Variants in PM20D2 observed in about 807,000 individuals in gnomAD.
PM20D2 encodes xaa-Arg dipeptidase.
Under a neutral mutation model 42.9 loss-of-function variants are expected in PM20D2, and 33 were observed. The observed-to-expected ratio is 0.77, with a 90% CI of 0.58 to 1.03. PM20D2 has a LOEUF of 1.03. Among genes scored for constraint, PM20D2 ranks in the 50% least tolerant of loss-of-function variants. The pLI, the probability that PM20D2 is intolerant of heterozygous loss-of-function variation, is 0.00. For synonymous variants in PM20D2, 250 were observed against 228.2 expected (o/e 1.10, Z -0.86); for missense variants, 548 against 557.0 (o/e 0.98, Z 0.16).
chr6:89,163,213 G>A lies in PM20D2; in HGVS notation c.*950G>A, dbSNP rs545792085. 25 of 152,272 alleles carry A rather than the reference G, an allele frequency of 1.6e-4. No homozygotes were observed. Among genetic ancestry groups the A allele is most frequent in the South Asian group, 1.0e-3 (5 of 4,824 alleles). 9.4% of individuals were successfully genotyped at this position (152,272 alleles called of 1,614,324 possible). A position where few individuals can be genotyped will look rare whatever the true frequency, so the allele number is the denominator to read the frequency against. ...AATCATCAGAGTTTAAAGTAGCTTC[G>A]TGGATGGACCATGATCCTAAGATGA... On this transcript the variant is annotated 3_prime_UTR_variant, in exon 7 of 7. Coordinates refer to ENST00000275072, the MANE Select transcript of PM20D2 (RefSeq NM_001010853.3).
chr6:89,124,575 T>G, the PM20D2 span, among the ~76,000 whole-genome samples: 3 of 151,974 alleles, frequency 2.0e-5, no homozygotes, highest in Non-Finnish European at 4.4e-5. Flanking sequence ...TTGGATTAAA[T>G]TCACCCAGGA....
chr6:89,152,017 C>T (rs1770864002), intron 2 of PM20D2, among the ~76,000 whole-genome samples: 1 of 151,952 alleles, frequency 6.6e-6, no homozygotes, highest in Non-Finnish European at 1.5e-5. Context: ...ATTGCTTGAA[C>T]TTGGGAGGTG....
At chr6:89,106,773 T>C in the PM20D2 span, 1 of 347,366 alleles carries the variant, frequency 2.9e-6, no homozygotes, top group African/African-American at 2.1e-5. Context: ...AAATCAGACT[T>C]GGCTTTGACT....
the PM20D2 span, among the ~76,000 whole-genome samples, chr6:89,136,010 G>A: frequency 6.6e-6 from 1 of 151,242 alleles, no homozygotes; most frequent in African/African-American, 2.5e-5. Context: ...TGCCAGGTAA[G>A]TTGCCATGTG....
At position 89,153,078 on chromosome 6, in the gene PM20D2, C is replaced by T; in HGVS notation, c.650C>T (p.Ser217Phe). 1.2e-6 allele frequency: 2 copies of T among 1,606,668 alleles called. No homozygotes were observed. The highest frequency in any genetic ancestry group is 1.7e-6 in the Non-Finnish European group (2 of 1,174,922). ...TVKYYGKASHSASYPWEGLNA... is the reference protein window; with the variant it reads ...TVKYYGKASHFASYPWEGLNA... Reference sequence around the variant, plus strand: ...AAATACTATGGAAAAGCATCTCATTCTGCTTCTTATCCCTGGGAAGGATTA... The same window carrying T: ...AAATACTATGGAAAAGCATCTCATTTTGCTTCTTATCCCTGGGAAGGATTA... Residue 217 changes from serine to phenylalanine, a missense_variant, in exon 3 of 7, where the codon TCT becomes TTT. By Grantham distance (155) the Ser-to-Phe change is radical (BLOSUM62 -2). This residue lies in a region of PM20D2 where 470 missense variants were observed against 464.4 expected (regional missense o/e 1.01). Coordinates refer to ENST00000275072, the MANE Select transcript of PM20D2 (RefSeq NM_001010853.3).
At position 89,153,034 on chromosome 6, in the gene PM20D2, AT is replaced by A. The variant is rs781029795; in HGVS notation, c.615-6del. 2.0e-5 allele frequency: 31 copies of A among 1,566,906 alleles called. No homozygotes were observed. The Admixed American group carries it at 2.4e-4, about 12-fold the overall frequency. Reference sequence around the variant, plus strand: ...CAAAAGTAATTTCAAATGATTTTTTATTTCCTAGTGTGACTGTGAAATACTA... The same window carrying A: ...CAAAAGTAATTTCAAATGATTTTTTATTCCTAGTGTGACTGTGAAATACTA... On this transcript the variant is annotated splice_region_variant and splice_polypyrimidine_tract_variant and intron_variant, in intron 2 of 6. Coordinates refer to ENST00000275072, the MANE Select transcript of PM20D2 (RefSeq NM_001010853.3).
chr6:89,151,292 G>T (rs192600123), intron 2 of PM20D2, among the ~76,000 whole-genome samples: 1 of 146,772 alleles, frequency 6.8e-6, no homozygotes, highest in African/African-American at 2.6e-5. Context: ...GTACAGTGGC[G>T]CAATCTCAGC....
At chr6:89,109,819 C>T in the PM20D2 span, among the ~76,000 whole-genome samples, 42 of 152,294 alleles carry the variant, frequency 2.8e-4, no homozygotes, top group African/African-American at 9.9e-4. Context: ...TGGCCGGGCG[C>T]GGTGGCTCAC....
At chr6:89,142,596 T>C (rs1207913569), upstream of PM20D2, among the ~76,000 whole-genome samples, 2 of 152,218 alleles carry the variant, frequency 1.3e-5, no homozygotes, top group Non-Finnish European at 2.9e-5. Flanking sequence ...GTGAAATATC[T>C]GCACTCTCTC....
chr6:89,097,385 T>C, the PM20D2 span: 2 of 152,296 alleles, frequency 1.3e-5, no homozygotes, highest in Admixed American at 6.5e-5. Context: ...TCAAAGAAAT[T>C]ATTAGTTATA....
At chr6:89,119,233 G>A in the PM20D2 span, among the ~76,000 whole-genome samples, 1 of 152,190 alleles carries the variant, frequency 6.6e-6, no homozygotes, top group Non-Finnish European at 1.5e-5. Context: ...GAATTTGGTA[G>A]GGAGGCAGAA....
chr6:89,153,697 A>G (rs1582342881), intron 3 of PM20D2, among the ~76,000 whole-genome samples: 2 of 152,150 alleles, frequency 1.3e-5, no homozygotes, highest in East Asian at 3.8e-4. Flanking sequence ...TCCTGGGTTC[A>G]AGTGATGCTC....
chr6:89,103,320 CAATTTA>C, the PM20D2 span, among the ~76,000 whole-genome samples: 1 of 150,964 alleles, frequency 6.6e-6, no homozygotes, highest in East Asian at 1.9e-4. Context: ...TAGAAACAAT[CAATTTA>C]AATTCTTTTT....
chr6:89,109,195 C>T, the PM20D2 span, among the ~76,000 whole-genome samples: 2 of 152,250 alleles, frequency 1.3e-5, no homozygotes, highest in African/African-American at 2.4e-5. Context: ...CACCCCAACC[C>T]GATGCATTAA....
chr6:89,153,938 C>T (rs185732526), intron 3 of PM20D2, among the ~76,000 whole-genome samples: 2 of 152,164 alleles, frequency 1.3e-5, no homozygotes, highest in East Asian at 3.9e-4. Context: ...ATATATATCA[C>T]CATAATATAA....
At chr6:89,161,652 T>C in intron 5 of PM20D2, 131 bp from the exon 6 acceptor site, 1 of 684,060 alleles carries the variant, frequency 1.5e-6, no homozygotes, top group South Asian at 1.8e-5. Flanking sequence ...CATGAAAGCA[T>C]GAGCATACGG....
chr6:89,100,941 C>A, the PM20D2 span, among the ~76,000 whole-genome samples: 2 of 151,916 alleles, frequency 1.3e-5, no homozygotes, highest in Non-Finnish European at 2.9e-5. Flanking sequence ...CCCATCTCTA[C>A]TAAAAATACA....
the PM20D2 span, among the ~76,000 whole-genome samples, chr6:89,122,584 T>C: frequency 6.6e-6 from 1 of 152,232 alleles, no homozygotes; most frequent in African/African-American, 2.4e-5. Context: ...ACAATACATC[T>C]GATTAATATC....
chr6:89,146,637 T>A, intron 1 of PM20D2, 28 bp downstream of exon 1: 1 of 1,376,496 alleles, frequency 7.3e-7, no homozygotes, highest in Non-Finnish European at 9.3e-7. Context: ...TGCGGGACCC[T>A]ATCCGACTGC....
Sources: allele counts gnomAD v4.1 joint callset (sites outside exome capture counted in the v4.1 genomes callset), GRCh38; gene constraint gnomAD v4.1.1; regional missense constraint gnomAD v4.1.1; transcripts MANE v1.5; gene names NCBI Gene and HGNC (gene_info 2026-07-23, HGNC 2026-07-21).